MGAT5B: variants seen among roughly 807,000 people sequenced by gnomAD.
The protein encoded by MGAT5B is N-acetylglucosaminyl-transferase Vb.
In MGAT5B, 54 loss-of-function variants were observed where a neutral mutation model predicts 95.1. That is an observed-to-expected ratio of 0.57 (90% CI 0.46 to 0.71). The LOEUF (loss-of-function observed/expected upper bound fraction) is 0.71. MGAT5B is among the 30% of genes least tolerant of loss of function. The pLI is 0.00. For missense variants in MGAT5B, 935 were observed against 1,088.6 expected, an observed-to-expected ratio of 0.86 and a Z score of 1.99; for synonymous variants, 464 against 451.0, an observed-to-expected ratio of 1.03 and a Z score of -0.36.
Position 76,914,783 on chromosome 17 carries a change from A to G in MGAT5B, c.1025+8596A>G, listed in dbSNP as rs759040833. On this transcript the variant is annotated intron_variant, in intron 8 of 17. Transcript: ENST00000569840. The surrounding 1 kb of genome is among the most constrained non-coding windows in gnomAD (Gnocchi z 5.1). ...CTCCCGAGTAGCTGGGACTACAGGAATGTGCCACCATGCCCAGCTAATTTT... is the reference window on the plus strand; with the variant it reads ...CTCCCGAGTAGCTGGGACTACAGGAGTGTGCCACCATGCCCAGCTAATTTT... Among the ~76,000 whole-genome samples the G allele has an allele frequency of 7.9e-5, 12 of 152,078 alleles. No individual in the cohort carries two copies. Among genetic ancestry groups the G allele is most frequent in the Non-Finnish European group, 1.6e-4 (11 of 67,992 alleles).
intron 15 of MGAT5B, among the ~76,000 whole-genome samples, chr17:76,945,485 C>T (rs1970002660): frequency 6.6e-6 from 1 of 152,062 alleles, no homozygotes; most frequent in Admixed American, 6.5e-5. Context: ...AGCCGGGTTT[C>T]ACCACGTTGG....
chr17:76,904,667 A>T (rs1294710624), intron 6 of MGAT5B, among the ~76,000 whole-genome samples: 1 of 152,224 alleles, frequency 6.6e-6, no homozygotes, highest in African/African-American at 2.4e-5. Context: ...ATGCCCCCTT[A>T]GTGGACTAGA....
At position 76,938,149 on chromosome 17, in the gene MGAT5B, C is replaced by CTT; in HGVS notation, c.1584+7_1584+8insTT. The CTT allele has an allele frequency of 6.2e-7, 1 of 1,613,672 alleles. No individual in the cohort carries two copies. Among genetic ancestry groups the CTT allele is most frequent in the Non-Finnish European group, 8.5e-7 (1 of 1,179,806 alleles). On this transcript the variant is annotated splice_region_variant and intron_variant, in intron 13 of 17. Transcript: ENST00000569840. The surrounding 1 kb of genome is among the most constrained non-coding windows in gnomAD (Gnocchi z 4.3). ...AGCTGCTGCGCAAGGCCAAAGTGAG[C>CTT]TCCCATCCCCCGCACCATTCTCACA...
chr17:76,940,370 CT>C lies in MGAT5B; in HGVS notation c.1585-31del. 1.9e-6 allele frequency: 3 copies of C among 1,547,612 alleles called. No individual in the cohort carries two copies. The South Asian group carries it at 3.7e-5, about 19-fold the overall frequency. On this transcript the variant is annotated intron_variant, in intron 13 of 17. Transcript: ENST00000569840. The surrounding 1 kb of genome is among the most constrained non-coding windows in gnomAD (Gnocchi z 4.3). ...CTTACTGGGCTGTGGCGGCCCAGCC[CT>C]CCCTGATCACTGCGCCCCTTGACTC... is the stretch of plus-strand genomic sequence containing the variant.
At chr17:76,927,308 C>T (rs552753215) in intron 10 of MGAT5B, among the ~76,000 whole-genome samples, 3 of 151,992 alleles carry the variant, frequency 2.0e-5, no homozygotes, top group Admixed American at 6.6e-5. Context: ...GTGATCTCCT[C>T]GGCTCACTGC....
rs899157536 is a variant in MGAT5B at position 76,894,581 on chromosome 17, C to A, written c.330-7974C>A. ...TCCATAGAAAAGATTTTAGGCTGTG[C>A]GCAGTGGCTCATGCCTGTAATCCCA... On this transcript the variant is annotated intron_variant, in intron 3 of 17. Coordinates refer to ENST00000569840, the MANE Select transcript of MGAT5B (RefSeq NM_001199172.2). Among the ~76,000 whole-genome samples the A allele has an allele frequency of 2.0e-5, 3 of 152,200 alleles. No homozygotes were observed. In the South Asian group the frequency reaches 6.2e-4, roughly 32 times the overall value.
intron 3 of MGAT5B, among the ~76,000 whole-genome samples, chr17:76,890,964 T>C (rs1967842003): frequency 4.0e-5 from 2 of 50,220 alleles, no homozygotes; most frequent in East Asian, 1.4e-3. Flanking sequence ...TGGGGGCCTT[T>C]TTTTTTTTTT....
At chr17:76,892,761 C>T (rs1598914491) in intron 3 of MGAT5B, among the ~76,000 whole-genome samples, 1 of 152,348 alleles carries the variant, frequency 6.6e-6, no homozygotes, top group Non-Finnish European at 1.5e-5. Context: ...GGACAACACA[C>T]ATGCGTGTTG....
At chr17:76,931,285 T>G (rs1050330394) in intron 10 of MGAT5B, among the ~76,000 whole-genome samples, 4 of 152,054 alleles carry the variant, frequency 2.6e-5, no homozygotes, top group Non-Finnish European at 4.4e-5. Context: ...TTAGTAGAGA[T>G]GGGGTTTTGC....
At chr17:76,937,895 A>G in intron 12 of MGAT5B, 93 bp from the exon 13 acceptor site, 1 of 1,495,242 alleles carries the variant, frequency 6.7e-7, no homozygotes, top group South Asian at 1.2e-5. Context: ...CTGGGTCCAC[A>G]TCTTCTGACT....
At position 76,938,545 on chromosome 17, in the gene MGAT5B, T is replaced by C. The variant is rs1969749048; in HGVS notation, c.1584+402T>C. Among the ~76,000 whole-genome samples, 1 of 152,196 alleles carries C rather than the reference T, an allele frequency of 6.6e-6. No individual in the cohort carries two copies. Among genetic ancestry groups the C allele is most frequent in the Non-Finnish European group, 1.5e-5 (1 of 68,030 alleles). On this transcript the variant is annotated intron_variant, in intron 13 of 17. Coordinates refer to ENST00000569840, the MANE Select transcript of MGAT5B (RefSeq NM_001199172.2). The surrounding 1 kb of genome is among the most constrained non-coding windows in gnomAD (Gnocchi z 4.3). ...CCTGGCTAGAGTGCCATTGAGCCAC[T>C]AGTCCTGAGTGACTGCTTCAGGGGT... is the stretch of plus-strand genomic sequence containing the variant.
rs1269889163 is a variant in MGAT5B, at chr17:76,914,422, T to G, written c.1025+8235T>G. 1.3e-5 allele frequency among the ~76,000 whole-genome samples: 2 copies of G among 152,140 alleles called. No individual in the cohort carries two copies. Among genetic ancestry groups the G allele is most frequent in the African/African-American group, 4.8e-5 (2 of 41,430 alleles). ...GGGGGTGACCAGTCAAAAGACCACA[T>G]GCTGGGGGGTGTAAACCACACAAAT... On this transcript the variant is annotated intron_variant, in intron 8 of 17. Coordinates refer to ENST00000569840, the MANE Select transcript of MGAT5B (RefSeq NM_001199172.2). This position sits in a 1 kb window ranked among gnomAD's most constrained non-coding sequence, Gnocchi z 5.1.
Position 76,903,092 on chromosome 17 carries a change from G to A in MGAT5B, c.446-211G>A, listed in dbSNP as rs541752616. 5.9e-5 allele frequency among the ~76,000 whole-genome samples: 9 copies of A among 152,244 alleles called. No individual in the cohort carries two copies. The East Asian group carries it at 7.7e-4, about 13-fold the overall frequency. On this transcript the variant is annotated intron_variant, in intron 4 of 17. Transcript: ENST00000569840. ...CCAGGCAGCTGCTGAGTGGCTGTTC[G>A]CACCAGCTCCTCACTGCATCTGAAC...
At chr17:76,894,045 T>C (rs1364225071) in intron 3 of MGAT5B, among the ~76,000 whole-genome samples, 1 of 152,230 alleles carries the variant, frequency 6.6e-6, no homozygotes, top group Non-Finnish European at 1.5e-5. Context: ...GAAGCCAGTG[T>C]TCCACTTGTG....
chr17:76,892,951 ACT>A (rs1380460319), intron 3 of MGAT5B, among the ~76,000 whole-genome samples: 3 of 151,790 alleles, frequency 2.0e-5, no homozygotes, highest in Non-Finnish European at 4.4e-5. Flanking sequence ...AGAAAAGGAC[ACT>A]CTTATCAGGG....
In MGAT5B at chr17:76,940,782, G is replaced by A; in HGVS notation, c.1782G>A (p.Val594=). 4 of 1,614,164 alleles carry A rather than the reference G, an allele frequency of 2.5e-6. No homozygotes were observed. Among genetic ancestry groups the A allele is most frequent in the Non-Finnish European group, 2.5e-6 (3 of 1,180,036 alleles). Residue 594 remains valine (V), a synonymous_variant, in exon 15 of 18, where the codon GTG becomes GTA. Coordinates refer to ENST00000569840, the MANE Select transcript of MGAT5B (RefSeq NM_001199172.2). This position sits in a 1 kb window ranked among gnomAD's most constrained non-coding sequence, Gnocchi z 4.3. ...YAENFIGKPH[V]WTVDYNNSEE... is the part of the protein sequence containing the mutation. The stretch of plus-strand genomic sequence containing the variant: ...AGAACTTCATCGGCAAGCCCCACGT[G>A]TGGACAGTCGACTACAACAACTCAG...
At chr17:76,881,949 C>T (rs1297766076) in intron 2 of MGAT5B, among the ~76,000 whole-genome samples, 2 of 152,258 alleles carry the variant, frequency 1.3e-5, no homozygotes, top group Non-Finnish European at 2.9e-5. Context: ...TGCACTCCGC[C>T]ACGATGCTGT....
intron 8 of MGAT5B, among the ~76,000 whole-genome samples, chr17:76,909,689 G>A (rs1213221851): frequency 6.6e-6 from 1 of 152,162 alleles, no homozygotes; most frequent in South Asian, 2.1e-4. Flanking sequence ...CAGGTAGAAC[G>A]TCTGTGACTC....
chr17:76,911,359 C>T (rs1157498124), intron 8 of MGAT5B, among the ~76,000 whole-genome samples: 1 of 152,050 alleles, frequency 6.6e-6, no homozygotes, highest in African/African-American at 2.4e-5. Flanking sequence ...GGATTGAGGC[C>T]CCAGGCTCAG....
Sources: gnomAD v4.1 joint callset for allele counts (sites outside exome capture counted in the v4.1 genomes callset) on GRCh38, gnomAD v4.1.1 for gene constraint, Gnocchi (gnomAD v3.1) non-coding constraint, MANE v1.5 for transcripts, NCBI Gene and HGNC (gene_info 2026-07-23, HGNC 2026-07-21) for gene names.